GFRA3: variants seen among roughly 807,000 people sequenced by gnomAD.
The protein encoded by GFRA3 is GDNF family receptor alpha 3, also known as GDNF family receptor alpha-3.
In GFRA3, 24 loss-of-function variants were observed where a neutral mutation model predicts 40.0. That is an observed-to-expected ratio of 0.60 (90% CI 0.43 to 0.84). The LOEUF (loss-of-function observed/expected upper bound fraction) is 0.84, where lower values mean the gene tolerates loss of function less well. GFRA3 is among the 40% of genes least tolerant of loss of function. The pLI, the probability that GFRA3 is intolerant of heterozygous loss-of-function variation, is 0.00. For synonymous variants in GFRA3, 203 were observed against 213.5 expected, an observed-to-expected ratio of 0.95 and a Z score of 0.43; for missense variants, 405 against 530.6, an observed-to-expected ratio of 0.76 and a Z score of 2.33.
chr5:138,253,842 G>A lies in GFRA3; in HGVS notation c.948C>T (p.Cys316=), dbSNP rs114764339. Residue 316 remains cysteine (C), a synonymous_variant, in exon 6 of 8, where the codon TGC becomes TGT. Transcript: ENST00000274721. ...SNVNTSVALS[C]TCRGSGNLQE... is the part of the protein sequence containing the mutation. ...GCAGGTTGCCACTGCCTCGGCAGGT[G>A]CAGCTTAAGGCAACACTGGTGTTGA... 2.8e-3 allele frequency: 4,493 copies of A among 1,613,866 alleles called. 112 individuals are homozygous for A. The African/African-American group carries it at 0.051, about 18-fold the overall frequency.
intron 1 of GFRA3, among the ~76,000 whole-genome samples, chr5:138,272,290 G>A (rs957799791): frequency 2.0e-5 from 3 of 151,302 alleles, no homozygotes; most frequent in Admixed American, 1.3e-4. Context: ...ACAGGTGTGA[G>A]CCACTGCACC....
At chr5:138,258,685 C>T (rs1561650118) in intron 3 of GFRA3, among the ~76,000 whole-genome samples, 1 of 152,078 alleles carries the variant, frequency 6.6e-6, no homozygotes, top group Admixed American at 6.6e-5. Context: ...CAGAACTGTC[C>T]AAAACAGATG....
rs1755750007 is a variant in GFRA3 at position 138,264,280 on chromosome 5, A to T, written c.360T>A (p.Val120=). 1 of 1,600,774 alleles carries T rather than the reference A, an allele frequency of 6.2e-7. No homozygotes were observed. The highest frequency in any genetic ancestry group is 1.3e-5 in the African/African-American group (1 of 74,684). ...QVACLDIYWT[V]HRARSLGNYE... ...CCTCACCAAGGCTGCGGGCACGGTG[A>T]ACGGTCCAATAGATGTCCAAGCAGG... is the stretch of plus-strand genomic sequence containing the variant. The change falls in exon 2 of 8, where the codon GTT becomes GTA. Residue 120 remains valine, a synonymous_variant. Transcript: ENST00000274721.
rs868462223 is a variant in GFRA3, at chr5:138,264,501, C to A, written c.139G>T (p.Ala47Ser). Residue 47 changes from alanine to serine, a missense_variant, in exon 2 of 8, where the codon GCC becomes TCC. Coordinates refer to ENST00000274721, the MANE Select transcript of GFRA3 (RefSeq NM_001496.4). ...ESRLMNSCLQ[A>S]RRKCQADPTC... Reference sequence around the variant, plus strand: ...GGATCAGCCTGGCACTTCCTCCTGGCCTGGAGACAGCTGTTCATGAGTCGG... The same window carrying A: ...GGATCAGCCTGGCACTTCCTCCTGGACTGGAGACAGCTGTTCATGAGTCGG... The A allele has an allele frequency of 6.2e-7, 1 of 1,612,772 alleles. No homozygotes were observed. Among genetic ancestry groups the A allele is most frequent in the Non-Finnish European group, 8.5e-7 (1 of 1,179,178 alleles).
At position 138,264,274 on chromosome 5, in the gene GFRA3, A is replaced by G. The variant is rs1464853361; in HGVS notation, c.366T>C (p.Arg122=). The change falls in exon 2 of 8, where the codon CGT becomes CGC. Residue 122 remains arginine (R), a synonymous_variant. Coordinates refer to ENST00000274721, the MANE Select transcript of GFRA3 (RefSeq NM_001496.4). ...ACLDIYWTVH[R]ARSLGNYELD... ...TGGGAGCCTCACCAAGGCTGCGGGC[A>G]CGGTGAACGGTCCAATAGATGTCCA... is the stretch of plus-strand genomic sequence containing the variant. The G allele has an allele frequency of 6.3e-7, 1 of 1,597,722 alleles. No individual in the cohort carries two copies. The highest frequency in any genetic ancestry group is 1.3e-5 in the African/African-American group (1 of 74,642).
chr5:138,272,606 G>T (rs957661504), intron 1 of GFRA3, among the ~76,000 whole-genome samples: 9 of 151,358 alleles, frequency 5.9e-5, no homozygotes, highest in Non-Finnish European at 1.3e-4. Flanking sequence ...TCACACCACT[G>T]AACTCCAGCC....
chr5:138,260,447 T>C (rs1042173715), intron 2 of GFRA3, among the ~76,000 whole-genome samples: 13 of 152,154 alleles, frequency 8.5e-5, no homozygotes, highest in African/African-American at 3.1e-4. Flanking sequence ...GTTGTTGCAA[T>C]AGCATAACCT....
In GFRA3 at chr5:138,271,786, C is replaced by G. The variant is rs149022383; in HGVS notation, c.91+2548G>C. ...AGAGATGGGTTTTCACCATGTTGCC[C>G]GGGCTGGTCTCGAACTCTTGAGCTC... On this transcript the variant is annotated intron_variant, in intron 1 of 7. Coordinates refer to ENST00000274721, the MANE Select transcript of GFRA3 (RefSeq NM_001496.4). 2.7e-5 allele frequency among the ~76,000 whole-genome samples: 4 copies of G among 148,634 alleles called. No homozygotes were observed. The South Asian group carries it at 8.4e-4, about 31-fold the overall frequency.
chr5:138,257,988 C>G, intron 3 of GFRA3, 37 bp from the exon 4 acceptor site: 1 of 1,548,756 alleles, frequency 6.5e-7, no homozygotes, highest in Non-Finnish European at 8.9e-7. Flanking sequence ...CGGCTGGGCC[C>G]TCTGCACGCC....
At chr5:138,260,054 G>A (rs1684811998) in intron 2 of GFRA3, among the ~76,000 whole-genome samples, 2 of 152,154 alleles carry the variant, frequency 1.3e-5, no homozygotes, top group South Asian at 2.1e-4. Context: ...CAGGGAGCAA[G>A]GAGTGTGGTA....
chr5:138,274,317 C>A lies in GFRA3; in HGVS notation c.91+17G>T. On this transcript the variant is annotated intron_variant, in intron 1 of 7. Coordinates refer to ENST00000274721, the MANE Select transcript of GFRA3 (RefSeq NM_001496.4). ...CCTCCCACTGTACCCCCGGCCGGTG[C>A]GCGCTCTGACACTCACCGGCTGCGA... 1 of 1,320,062 alleles carries A rather than the reference C, an allele frequency of 7.6e-7. No individual in the cohort carries two copies. Among genetic ancestry groups the A allele is most frequent in the East Asian group, 2.8e-5 (1 of 35,652 alleles). The allele number at this position is 1,320,062 out of a possible 1,614,324, so 81.8% of individuals were successfully genotyped here.
chr5:138,274,617 G>T lies in GFRA3; in HGVS notation c.-193C>A. 3 of 1,221,358 alleles carry T rather than the reference G, an allele frequency of 2.5e-6. No homozygotes were observed. Among genetic ancestry groups the T allele is most frequent in the Non-Finnish European group, 1.0e-6 (1 of 981,650 alleles). 75.7% of individuals were successfully genotyped at this position (1,221,358 alleles called of 1,614,324 possible). ...GTCCACACCACGCGCCTCCAGCGCTGGTCCGAGGGACCGCGGGGGTGGGGG... is the reference window on the plus strand; with the variant it reads ...GTCCACACCACGCGCCTCCAGCGCTTGTCCGAGGGACCGCGGGGGTGGGGG... On this transcript the variant is annotated 5_prime_UTR_variant, in exon 1 of 8. Transcript: ENST00000274721.
chr5:138,253,430 G>C, intron 6 of GFRA3, 55 bp from the exon 7 acceptor site: 5 of 1,142,450 alleles, frequency 4.4e-6, no homozygotes, highest in Non-Finnish European at 6.5e-6. Flanking sequence ...AGATTTCTCA[G>C]GCTCCCAAGG....
At chr5:138,262,504 G>A (rs1755726283) in intron 2 of GFRA3, among the ~76,000 whole-genome samples, 1 of 152,176 alleles carries the variant, frequency 6.6e-6, no homozygotes. Context: ...CCAGGCTGGA[G>A]TGCAGTGGTG....
At chr5:138,258,166 C>CTT (rs66792829) in intron 3 of GFRA3, among the ~76,000 whole-genome samples, 3,059 of 51,420 alleles carry the variant, frequency 0.059, 584 homozygotes, top group Middle Eastern at 0.068. Flanking sequence ...CCCTACTCCT[C>CTT]TTTTTTTTTT....
At chr5:138,270,478 G>A (rs1431947920) in intron 1 of GFRA3, among the ~76,000 whole-genome samples, 1 of 151,076 alleles carries the variant, frequency 6.6e-6, no homozygotes, top group Non-Finnish European at 1.5e-5. Context: ...ACCAAACATC[G>A]TATATTCTCA....
intron 4 of GFRA3, 85 bp from the exon 5 acceptor site, chr5:138,254,245 T>C (rs2126610508): frequency 1.3e-6 from 1 of 791,942 alleles, no homozygotes; most frequent in Non-Finnish European, 2.2e-6. Context: ...TGGAGTGCAG[T>C]AGCTCAATCT....
In GFRA3 at chr5:138,252,760, A is replaced by G. The variant is rs1290472136; in HGVS notation, c.*208T>C. ...TGACATGGCTAAATTGTGGCCACCAAGGAGGGGCAGCATGAATCAGAAGTG... is the reference window on the plus strand; with the variant it reads ...TGACATGGCTAAATTGTGGCCACCAGGGAGGGGCAGCATGAATCAGAAGTG... On this transcript the variant is annotated 3_prime_UTR_variant, in exon 8 of 8. Coordinates refer to ENST00000274721, the MANE Select transcript of GFRA3 (RefSeq NM_001496.4). The G allele has an allele frequency of 4.3e-6, 2 of 468,856 alleles. No homozygotes were observed. Among genetic ancestry groups the G allele is most frequent in the Non-Finnish European group, 7.8e-6 (2 of 257,936 alleles). The allele number at this position is 468,856 out of a possible 1,614,324, so 29.0% of individuals were successfully genotyped here.
chr5:138,256,541 A>G (rs1755632090), intron 4 of GFRA3, among the ~76,000 whole-genome samples: 1 of 73,916 alleles, frequency 1.4e-5, no homozygotes, highest in Admixed American at 1.8e-4. Context: ...AAAAACAAAC[A>G]AAAAAAAACA....
Sources: gnomAD v4.1 joint callset for allele counts (sites outside exome capture counted in the v4.1 genomes callset) on GRCh38, gnomAD v4.1.1 for gene constraint, MANE v1.5 for transcripts, NCBI Gene and HGNC (gene_info 2026-07-23, HGNC 2026-07-21) for gene names.